NAALAD2: variants seen among roughly 807,000 people sequenced by gnomAD.
NAALAD2 encodes N-acetylated-alpha-linked acidic dipeptidase 2.
A neutral mutation model predicts 95.6 loss-of-function variants in NAALAD2; 89 were observed. The ratio of observed to expected loss-of-function variants is 0.93; its 90% CI spans 0.78 to 1.11. The LOEUF (loss-of-function observed/expected upper bound fraction) is 1.11. Ranked by LOEUF, NAALAD2 falls within the 50% of genes least tolerant of loss-of-function variation. The probability of loss-of-function intolerance (pLI) is 0.00; values close to 1 mark genes in which losing one functional copy is unlikely to be tolerated. For synonymous variants in NAALAD2, 264 were observed against 294.4 expected, an observed-to-expected ratio of 0.90 and a Z score of 1.06; for missense variants, 894 against 872.4, an observed-to-expected ratio of 1.02 and a Z score of -0.31.
At chr11:90,135,197 C>A (rs1413127502) in intron 1 of NAALAD2, 1 of 300,576 alleles carries the variant, frequency 3.3e-6, no homozygotes, top group African/African-American at 2.2e-5. Context: ...CAAAGCAAAA[C>A]GAAACAAAGC....
chr11:90,174,980 A>G (rs1291404723), intron 14 of NAALAD2, among the ~76,000 whole-genome samples: 6 of 152,138 alleles, frequency 3.9e-5, no homozygotes, highest in African/African-American at 1.2e-4. Context: ...AGTTTAGGCT[A>G]TGTTTATAAG....
intron 11 of NAALAD2, among the ~76,000 whole-genome samples, chr11:90,165,701 A>G (rs1370867791): frequency 6.6e-6 from 1 of 152,142 alleles, no homozygotes; most frequent in Non-Finnish European, 1.5e-5. Flanking sequence ...CATTAATTTG[A>G]TGAATCAAAT....
At chr11:90,177,327 T>TA (rs1239852163) in intron 15 of NAALAD2, among the ~76,000 whole-genome samples, 3 of 151,240 alleles carry the variant, frequency 2.0e-5, no homozygotes, top group East Asian at 1.9e-4. Context: ...TTTTTTTTTT[T>TA]ACCAATCAAT....
At position 90,135,049 on chromosome 11, in the gene NAALAD2, C is replaced by A. The variant is rs1590948253; in HGVS notation, c.82+209C>A. 4 of 547,750 alleles carry A rather than the reference C, an allele frequency of 7.3e-6. No individual in the cohort carries two copies. In the East Asian group the frequency reaches 9.1e-5, roughly 12 times the overall value. The allele number at this position is 547,750 out of a possible 1,614,324, so 33.9% of individuals were successfully genotyped here. A position where few individuals can be genotyped will look rare whatever the true frequency, so the allele number is the denominator to read the frequency against. Reference sequence around the variant, plus strand: ...TAATAGATAAAGTGTGCTTGAAATTCAAATTTATTAAATGTTCACTGAGTT... The same window carrying A: ...TAATAGATAAAGTGTGCTTGAAATTAAAATTTATTAAATGTTCACTGAGTT... On this transcript the variant is annotated intron_variant, in intron 1 of 18. Coordinates refer to ENST00000534061, the MANE Select transcript of NAALAD2 (RefSeq NM_005467.4).
At chr11:90,181,335 T>TA (rs1307848238) in intron 16 of NAALAD2, among the ~76,000 whole-genome samples, 2 of 152,216 alleles carry the variant, frequency 1.3e-5, no homozygotes, top group Admixed American at 6.5e-5. Context: ...AATGAATTAA[T>TA]AAAAAAATGA....
intron 18 of NAALAD2, among the ~76,000 whole-genome samples, chr11:90,189,810 T>C (rs1857270804): frequency 6.6e-6 from 1 of 151,844 alleles, no homozygotes; most frequent in Non-Finnish European, 1.5e-5. Context: ...AACTCATCAG[T>C]GAATACTTAC....
chr11:90,183,137 G>T (rs149877707), intron 18 of NAALAD2, 129 bp downstream of exon 18: 10 of 602,422 alleles, frequency 1.7e-5, no homozygotes, highest in Non-Finnish European at 2.7e-5. Context: ...GGGTAAGATT[G>T]TACATTTAAT....
intron 6 of NAALAD2, 95 bp downstream of exon 6, chr11:90,152,579 C>T: frequency 1.1e-6 from 1 of 894,162 alleles, no homozygotes; most frequent in Non-Finnish European, 1.6e-6. Context: ...TAATATTAAA[C>T]TAAAATTGAG....
At chr11:90,172,721 G>C (rs1399226489) in intron 13 of NAALAD2, among the ~76,000 whole-genome samples, 1 of 152,166 alleles carries the variant, frequency 6.6e-6, no homozygotes, top group Non-Finnish European at 1.5e-5. Flanking sequence ...CAAGAGGGTA[G>C]AGACTATGTC....
chr11:90,160,312 A>C (rs1260100571), intron 8 of NAALAD2, among the ~76,000 whole-genome samples: 1 of 152,152 alleles, frequency 6.6e-6, no homozygotes, highest in African/African-American at 2.4e-5. Context: ...GAACTTCAAG[A>C]AGTTTGATTT....
intron 5 of NAALAD2, 83 bp from the exon 6 acceptor site, chr11:90,152,215 C>T (rs1951906538): frequency 2.4e-6 from 3 of 1,269,018 alleles, no homozygotes; most frequent in Admixed American, 4.7e-5. Context: ...AATATCCTTC[C>T]ATTATTAAAT....
chr11:90,158,518 T>C, intron 7 of NAALAD2: 1 of 292,566 alleles, frequency 3.4e-6, no homozygotes, highest in Non-Finnish European at 6.3e-6. Context: ...TTTCAAGCAA[T>C]TGAATTTTCA....
intron 2 of NAALAD2, among the ~76,000 whole-genome samples, chr11:90,146,108 G>T (rs1278228710): frequency 1.3e-5 from 2 of 151,856 alleles, no homozygotes; most frequent in African/African-American, 4.8e-5. Context: ...AGATTATTCA[G>T]TCACTCTGTC....
intron 2 of NAALAD2, among the ~76,000 whole-genome samples, chr11:90,142,363 C>CTA (rs1565510611): frequency 2.0e-5 from 3 of 152,012 alleles, no homozygotes; most frequent in Admixed American, 1.3e-4. Flanking sequence ...ATGGACGTTG[C>CTA]TATGTTTTCA....
At chr11:90,181,815 T>C in intron 17 of NAALAD2, 114 bp downstream of exon 17, 2 of 686,708 alleles carry the variant, frequency 2.9e-6, no homozygotes, top group Non-Finnish European at 4.8e-6. Flanking sequence ...ATTCAAATTA[T>C]AGTCTGCAAA....
At chr11:90,137,317 A>G (rs1486459000) in intron 2 of NAALAD2, among the ~76,000 whole-genome samples, 1 of 152,200 alleles carries the variant, frequency 6.6e-6, no homozygotes, top group African/African-American at 2.4e-5. Context: ...GGGCAACTAT[A>G]GTTAACAATA....
chr11:90,142,201 C>A (rs1951637714), intron 2 of NAALAD2, among the ~76,000 whole-genome samples: 1 of 151,922 alleles, frequency 6.6e-6, no homozygotes, highest in Non-Finnish European at 1.5e-5. Context: ...TAGGGTAATT[C>A]CTTTATTTCT....
intron 18 of NAALAD2, among the ~76,000 whole-genome samples, chr11:90,188,066 G>A (rs772885544): frequency 7.2e-5 from 11 of 152,132 alleles, no homozygotes; most frequent in African/African-American, 1.2e-4. Context: ...CAGCCAGACT[G>A]GTTACAGCAC....
At chr11:90,174,570 G>C (rs1952732142) in intron 14 of NAALAD2, among the ~76,000 whole-genome samples, 1 of 151,974 alleles carries the variant, frequency 6.6e-6, no homozygotes, top group Non-Finnish European at 1.5e-5. Context: ...AAAGACAAAT[G>C]CTAGATTATT....
Sources: gnomAD v4.1 joint callset for allele counts (sites outside exome capture counted in the v4.1 genomes callset) on GRCh38, gnomAD v4.1.1 for gene constraint, MANE v1.5 for transcripts, NCBI Gene and HGNC (gene_info 2026-07-23, HGNC 2026-07-21) for gene names.